Variants in PPP5C observed in about 807,000 individuals in gnomAD.
PPP5C encodes the protein protein phosphatase 5 catalytic subunit.
Under a neutral mutation model 66.7 loss-of-function variants are expected in PPP5C, and 21 were observed. The observed-to-expected ratio is 0.31, with a 90% CI of 0.22 to 0.45. The LOEUF is 0.45. Among genes scored for constraint, PPP5C ranks in the 20% least tolerant of loss-of-function variants. PPP5C has a pLI of 1.00. For missense variants in PPP5C, 464 were observed against 675.9 expected, an observed-to-expected ratio of 0.69 and a Z score of 3.48; for synonymous variants, 246 against 257.4, an observed-to-expected ratio of 0.96 and a Z score of 0.43.
At position 46,353,803 on chromosome 19, in the gene PPP5C, C is replaced by T; in HGVS notation, c.177C>T (p.Pro59=). 1 of 1,614,106 alleles carries T rather than the reference C, an allele frequency of 6.2e-7. No individual in the cohort carries two copies. The highest frequency in any genetic ancestry group is 1.3e-5 in the African/African-American group (1 of 75,072). ...ACAGCCAGGCCATCGAGCTGAACCC[C>T]AGCAATGCCATCTACTATGGCAACC... ...KFYSQAIELN[P]SNAIYYGNRS... The change falls in exon 2 of 13, where the codon CCC becomes CCT. Residue 59 remains proline (P), a synonymous_variant. Coordinates refer to ENST00000012443, the MANE Select transcript of PPP5C (RefSeq NM_006247.4).
chr19:46,373,624 G>C (rs1156761571), intron 2 of PPP5C, among the ~76,000 whole-genome samples: 1 of 144,056 alleles, frequency 6.9e-6, no homozygotes, highest in Non-Finnish European at 1.5e-5. Context: ...GAAATGCTCA[G>C]TCACTCATTC....
At chr19:46,389,657 C>T (rs1042064711) in intron 11 of PPP5C, among the ~76,000 whole-genome samples, 16 of 152,036 alleles carry the variant, frequency 1.1e-4, no homozygotes, top group African/African-American at 3.1e-4. Context: ...GCCTGCTGTA[C>T]GAGTCACCTG....
At chr19:46,373,868 T>C (rs1411714502) in intron 2 of PPP5C, among the ~76,000 whole-genome samples, 1 of 151,968 alleles carries the variant, frequency 6.6e-6, no homozygotes, top group African/African-American at 2.4e-5. Flanking sequence ...GGCTGAGACC[T>C]GGAGGAGGAG....
Position 46,347,137 on chromosome 19 carries a change from C to G in PPP5C, c.41C>G (p.Pro14Arg), listed in dbSNP as rs150667064. 6.9e-5 allele frequency: 110 copies of G among 1,605,038 alleles called. No individual in the cohort carries two copies. The highest frequency in any genetic ancestry group is 2.4e-4 in the Admixed American group (14 of 58,784). ...AEGERTECAE[P>R]PRDEPPADGA... The stretch of plus-strand genomic sequence containing the variant: ...GGCGAGAGGACTGAGTGTGCTGAGC[C>G]CCCCCGGGACGAACCCCCGGCTGAT... The change falls in exon 1 of 13, where the codon CCC (proline) becomes CGC (arginine). Residue 14 changes from proline (P) to arginine (R), a missense_variant. Physicochemically the swap from Pro to Arg is moderately radical, Grantham distance 103. Coordinates refer to ENST00000012443, the MANE Select transcript of PPP5C (RefSeq NM_006247.4).
At chr19:46,384,616 C>T (rs1342071276) in intron 6 of PPP5C, 188 bp from the exon 7 acceptor site, 14 of 551,252 alleles carry the variant, frequency 2.5e-5, no homozygotes, top group Non-Finnish European at 4.6e-5. Context: ...GCTGGAGCCA[C>T]GGTGAGGAAA....
intron 2 of PPP5C, among the ~76,000 whole-genome samples, chr19:46,365,542 A>C (rs1054598809): frequency 6.6e-6 from 1 of 152,154 alleles, no homozygotes; most frequent in Non-Finnish European, 1.5e-5. Context: ...GCATGTTCTT[A>C]TGTGTCTTGG....
rs373275182 is a variant in PPP5C at position 46,372,323 on chromosome 19, C to T, written c.364-3281C>T. Among the ~76,000 whole-genome samples, 346 of 152,166 alleles carry T rather than the reference C, an allele frequency of 2.3e-3. 1 individual carries two copies. The highest frequency in any genetic ancestry group is 0.01 in the Middle Eastern group (3 of 294). ...CAAGCAATCCTCCCACCTCAGCCCCCCAAAGTAGCTGGGACTACAGGCATG... is the reference window on the plus strand; with the variant it reads ...CAAGCAATCCTCCCACCTCAGCCCCTCAAAGTAGCTGGGACTACAGGCATG... On this transcript the variant is annotated intron_variant, in intron 2 of 12. Transcript: ENST00000012443.
chr19:46,373,076 G>A (rs1471968971), intron 2 of PPP5C, among the ~76,000 whole-genome samples: 1 of 152,240 alleles, frequency 6.6e-6, no homozygotes, highest in African/African-American at 2.4e-5. Flanking sequence ...AGAAACTGAG[G>A]GAGGCTTGAG....
rs1972927355 is a variant in PPP5C, at chr19:46,388,321, G to C, written c.1136-87G>C. The C allele has an allele frequency of 1.4e-6, 2 of 1,418,830 alleles. No homozygotes were observed. The highest frequency in any genetic ancestry group is 2.8e-5 in the African/African-American group (2 of 70,278). 87.9% of individuals were successfully genotyped at this position (1,418,830 alleles called of 1,614,324 possible). On this transcript the variant is annotated intron_variant, in intron 9 of 12. Coordinates refer to ENST00000012443, the MANE Select transcript of PPP5C (RefSeq NM_006247.4). This position sits in a 1 kb window ranked among gnomAD's most constrained non-coding sequence, Gnocchi z 4.9. Reference sequence around the variant, plus strand: ...CCACCCAGGCTGGGCTGTGGGGTCAGCACCTGGCCGGGCCAGGAGGTGGCC... The same window carrying C: ...CCACCCAGGCTGGGCTGTGGGGTCACCACCTGGCCGGGCCAGGAGGTGGCC...
Position 46,388,721 on chromosome 19 carries a change from C to G in PPP5C, c.1345C>G (p.Pro449Ala). Residue 449 changes from proline to alanine, a missense_variant, in exon 11 of 13, where the codon CCC becomes GCC. Pro to Ala is a conservative substitution (Grantham distance 27, BLOSUM62 -1). Transcript: ENST00000012443. This position sits in a 1 kb window ranked among gnomAD's most constrained non-coding sequence, Gnocchi z 4.9. ...GGRCVTVFSAPNYCDQMGNKA... is the reference protein window; with the variant it reads ...GGRCVTVFSAANYCDQMGNKA... ...CCGCTGTGTCACCGTCTTCTCTGCC[C>G]CCAACTACTGGTATGTCTTTGCCTT... 6.2e-7 allele frequency: 1 copy of G among 1,614,054 alleles called. No individual in the cohort carries two copies.
intron 2 of PPP5C, among the ~76,000 whole-genome samples, chr19:46,371,995 G>A (rs1972601452): frequency 6.6e-6 from 1 of 152,168 alleles, no homozygotes. Flanking sequence ...GTTCTGGTAA[G>A]TTTGGGCAGC....
In PPP5C at chr19:46,385,559, C is replaced by G. The variant is rs191175479; in HGVS notation, c.904+650C>G. Among the ~76,000 whole-genome samples, 12 of 152,252 alleles carry G rather than the reference C, an allele frequency of 7.9e-5. 1 individual carries two copies. The highest frequency in any genetic ancestry group is 7.2e-4 in the Admixed American group (11 of 15,294). On this transcript the variant is annotated intron_variant, in intron 7 of 12. Transcript: ENST00000012443. ...TTTTGGGAGGCCAAGGCAGGTGGAT[C>G]ATCTGAGGTCAAGAGTTCGAAACCA...
chr19:46,349,705 G>C (rs1436873562), intron 1 of PPP5C, among the ~76,000 whole-genome samples: 2 of 152,254 alleles, frequency 1.3e-5, no homozygotes, highest in East Asian at 3.9e-4. Flanking sequence ...GGACTCCAGG[G>C]TAAGACAGGA....
chr19:46,363,662 T>C (rs1054617408), intron 2 of PPP5C, among the ~76,000 whole-genome samples: 1 of 152,024 alleles, frequency 6.6e-6, no homozygotes, highest in African/African-American at 2.4e-5. Flanking sequence ...TCTCCTGACC[T>C]TGTGATCTGC....
At chr19:46,371,449 CT>C (rs1381201155) in intron 2 of PPP5C, among the ~76,000 whole-genome samples, 1 of 152,200 alleles carries the variant, frequency 6.6e-6, no homozygotes, top group Admixed American at 6.5e-5. Flanking sequence ...ATCTTCACGG[CT>C]ACCCTGCGCA....
chr19:46,361,174 G>T (rs1972381080), intron 2 of PPP5C, among the ~76,000 whole-genome samples: 1 of 137,376 alleles, frequency 7.3e-6, no homozygotes. Flanking sequence ...CTGTCGCCCA[G>T]GCTGGAGTGC....
intron 2 of PPP5C, among the ~76,000 whole-genome samples, chr19:46,358,725 G>A (rs888413967): frequency 6.6e-6 from 1 of 152,162 alleles, no homozygotes; most frequent in African/African-American, 2.4e-5. Flanking sequence ...AAATCGGGGA[G>A]GAGTGATTAC....
At chr19:46,355,195 C>T (rs1024092280) in intron 2 of PPP5C, among the ~76,000 whole-genome samples, 5 of 152,234 alleles carry the variant, frequency 3.3e-5, no homozygotes, top group South Asian at 2.1e-4. Context: ...CTCCCTGAGA[C>T]GGGGCCGTGC....
intron 2 of PPP5C, among the ~76,000 whole-genome samples, chr19:46,355,106 C>T (rs1040120842): frequency 1.3e-5 from 2 of 152,232 alleles, no homozygotes; most frequent in South Asian, 2.1e-4. Context: ...CAGTGACCCC[C>T]ACCTGGTTAG....
Sources: allele counts gnomAD v4.1 joint callset (sites outside exome capture counted in the v4.1 genomes callset), GRCh38; gene constraint gnomAD v4.1.1; non-coding constraint Gnocchi (gnomAD v3.1); transcripts MANE v1.5; gene names NCBI Gene and HGNC (gene_info 2026-07-23, HGNC 2026-07-21).